Variants in SENP7 observed in about 807,000 individuals in gnomAD.
The protein encoded by SENP7 is sentrin-specific protease 7.
Under a neutral mutation model 141.2 loss-of-function variants are expected in SENP7, and 64 were observed. That is an observed-to-expected ratio of 0.45 (90% CI 0.37 to 0.56). The LOEUF (loss-of-function observed/expected upper bound fraction) is 0.56. Ranked by LOEUF, SENP7 falls within the 20% of genes least tolerant of loss-of-function variation. The pLI is 0.00. For missense variants in SENP7, 1,025 were observed against 1,212.2 expected (o/e 0.85, Z 2.29); for synonymous variants, 382 against 426.4 (o/e 0.90, Z 1.28).
intron 6 of SENP7, among the ~76,000 whole-genome samples, chr3:101,376,648 C>T (rs373809236): frequency 5.9e-4 from 86 of 146,532 alleles, no homozygotes; most frequent in African/African-American, 1.7e-3. Flanking sequence ...GTGGGGGGAG[C>T]GGGGAGGGAT....
At chr3:101,460,772 G>A (rs1463014176) in intron 3 of SENP7, among the ~76,000 whole-genome samples, 1 of 152,030 alleles carries the variant, frequency 6.6e-6, no homozygotes, top group Non-Finnish European at 1.5e-5. Flanking sequence ...CAAATGGGAG[G>A]AAATATTTGC....
chr3:101,349,886 G>C (rs765256767), intron 12 of SENP7, among the ~76,000 whole-genome samples: 3 of 152,180 alleles, frequency 2.0e-5, no homozygotes, highest in African/African-American at 7.2e-5. Flanking sequence ...TAATTTTACT[G>C]AGGGAAGCAA....
At chr3:101,332,942 T>G in intron 17 of SENP7, 80 bp from the exon 18 acceptor site, 1 of 1,321,170 alleles carries the variant, frequency 7.6e-7, no homozygotes, top group East Asian at 2.7e-5. Flanking sequence ...TTTTATATAT[T>G]GAAATATCTT....
intron 3 of SENP7, among the ~76,000 whole-genome samples, chr3:101,465,608 C>T (rs1428870018): frequency 6.6e-6 from 1 of 151,854 alleles, no homozygotes; most frequent in Admixed American, 6.6e-5. Context: ...ATCAGACAAA[C>T]CACTTCACAG....
intron 2 of SENP7, among the ~76,000 whole-genome samples, chr3:101,499,028 C>T: frequency 6.6e-6 from 1 of 152,078 alleles, no homozygotes; most frequent in East Asian, 1.9e-4. Flanking sequence ...ATATAAATTC[C>T]TTGTTTTTTG....
chr3:101,394,126 C>G (rs2060894184), intron 6 of SENP7, among the ~76,000 whole-genome samples: 2 of 152,154 alleles, frequency 1.3e-5, no homozygotes, highest in African/African-American at 4.8e-5. Flanking sequence ...TTCCCAGCCT[C>G]TAGTGTTTAT....
intron 17 of SENP7, chr3:101,333,089 T>C (rs1310272258): frequency 4.4e-6 from 2 of 455,382 alleles, no homozygotes; most frequent in African/African-American, 4.1e-5. Flanking sequence ...AAGGCAGCAA[T>C]TTATTAAATG....
intron 14 of SENP7, 127 bp downstream of exon 14, chr3:101,343,559 G>A (rs1192116899): frequency 4.0e-6 from 3 of 754,592 alleles, no homozygotes; most frequent in Admixed American, 5.5e-5. Flanking sequence ...TTGGCAACGG[G>A]AGTTCTTTTG....
chr3:101,418,124 T>C (rs2061679831), intron 4 of SENP7, among the ~76,000 whole-genome samples: 1 of 152,188 alleles, frequency 6.6e-6, no homozygotes, highest in Admixed American at 6.5e-5. Flanking sequence ...TCATCACAGA[T>C]GTAACCACTG....
chr3:101,507,852 C>T (rs1391631245), intron 1 of SENP7, among the ~76,000 whole-genome samples: 1 of 151,732 alleles, frequency 6.6e-6, no homozygotes, highest in Admixed American at 6.6e-5. Context: ...AGATAGAGAC[C>T]ATCCTAGCCA....
intron 12 of SENP7, among the ~76,000 whole-genome samples, chr3:101,349,017 C>A (rs149887003): frequency 1.1e-3 from 170 of 152,272 alleles, no homozygotes; most frequent in African/African-American, 4.0e-3. Context: ...GTATCAGCAA[C>A]ATCTGGAAGA....
chr3:101,367,887 T>A lies in SENP7; in HGVS notation c.921A>T (p.Arg307Ser). The A allele has an allele frequency of 6.2e-7, 1 of 1,611,040 alleles. No individual in the cohort carries two copies. The change falls in exon 8 of 24, where the codon AGA becomes AGT. Residue 307 changes from arginine to serine, a missense_variant. Transcript: ENST00000394095. The part of the protein sequence containing the change: ...LISRKTKRRL[R>S]NNLPDSQYCT... ...AATATTGAGAATCAGGTAAATTATT[T>A]CTAAGCCTTCTCTTTGTCTTCCTGG...
At chr3:101,358,262 T>C (rs2059797471) in intron 11 of SENP7, 3 of 1,063,112 alleles carry the variant, frequency 2.8e-6, no homozygotes, top group Middle Eastern at 2.4e-4. Context: ...ACCTTACAAA[T>C]GTGAAGAATG....
chr3:101,361,040 C>T (rs1398994650), intron 11 of SENP7, among the ~76,000 whole-genome samples: 1 of 151,804 alleles, frequency 6.6e-6, no homozygotes, highest in Non-Finnish European at 1.5e-5. Flanking sequence ...TCCATCTCTA[C>T]CAAAAAATAC....
chr3:101,393,215 C>A (rs2060864811), intron 6 of SENP7, among the ~76,000 whole-genome samples: 1 of 152,082 alleles, frequency 6.6e-6, no homozygotes, highest in African/African-American at 2.4e-5. Context: ...AAAAATTTAA[C>A]CATAAGACCT....
intron 11 of SENP7, among the ~76,000 whole-genome samples, chr3:101,360,381 C>A (rs904889963): frequency 1.3e-5 from 2 of 152,094 alleles, no homozygotes; most frequent in African/African-American, 4.8e-5. Context: ...TGATAGATAT[C>A]CATTGCCATA....
chr3:101,458,823 T>TA (rs1411361822), intron 4 of SENP7, 132 bp downstream of exon 4: 14 of 579,976 alleles, frequency 2.4e-5, no homozygotes, highest in South Asian at 5.2e-5. Context: ...GAAAGAATCT[T>TA]AGAGTCCACT....
At chr3:101,429,626 CA>C (rs1173057187) in intron 4 of SENP7, among the ~76,000 whole-genome samples, 3 of 152,120 alleles carry the variant, frequency 2.0e-5, no homozygotes, top group African/African-American at 7.2e-5. Flanking sequence ...ACAATCATGC[CA>C]TCTGTAAACA....
chr3:101,360,055 C>T (rs2059853867), intron 11 of SENP7, among the ~76,000 whole-genome samples: 1 of 151,772 alleles, frequency 6.6e-6, no homozygotes, highest in Non-Finnish European at 1.5e-5. Flanking sequence ...ACTGGGTAAA[C>T]CTGAATTTAA....
Sources: gnomAD v4.1 joint callset for allele counts (sites outside exome capture counted in the v4.1 genomes callset) on GRCh38, gnomAD v4.1.1 for gene constraint, MANE v1.5 for transcripts, NCBI Gene and HGNC (gene_info 2026-07-23, HGNC 2026-07-21) for gene names.